FGD4: variants seen among roughly 807,000 people sequenced by gnomAD.
The protein encoded by FGD4 is FYVE, RhoGEF and PH domain containing 4, also known as FYVE, RhoGEF and PH domain-containing protein 4.
In FGD4, 42 loss-of-function variants were observed where a neutral mutation model predicts 102.0. The observed-to-expected ratio is 0.41, with a 90% CI of 0.32 to 0.53. The LOEUF is 0.53. Among genes scored for constraint, FGD4 ranks in the 20% least tolerant of loss-of-function variants. FGD4 has a pLI of 0.21. For missense variants in FGD4, 902 were observed against 1,078.2 expected (o/e 0.84, Z 2.29); for synonymous variants, 380 against 375.7 (o/e 1.01, Z -0.13).
chr12:32,525,151 T>A (rs1941009079), intron 1 of FGD4, among the ~76,000 whole-genome samples: 1 of 152,164 alleles, frequency 6.6e-6, no homozygotes, highest in Non-Finnish European at 1.5e-5. Flanking sequence ...CTAGTGTACC[T>A]TTGCTTTTCT....
At chr12:32,606,828 C>T (rs1165530310) in intron 7 of FGD4, among the ~76,000 whole-genome samples, 1 of 152,080 alleles carries the variant, frequency 6.6e-6, no homozygotes. Context: ...GCAAGTGATA[C>T]GGTCTTAATT....
rs138703113 is a variant in FGD4 at position 32,523,701 on chromosome 12, G to T, written c.167-40436G>T. Among the ~76,000 whole-genome samples the T allele has an allele frequency of 5.1e-3, 779 of 152,382 alleles. 4 individuals are homozygous for T. Among genetic ancestry groups the T allele is most frequent in the Middle Eastern group, 0.01 (3 of 294 alleles). ...GAAAATACATAGCTCTGGGCCGGGTGCGGTGGCTCACGCCTGCAATCCCAA... is the reference window on the plus strand; with the variant it reads ...GAAAATACATAGCTCTGGGCCGGGTTCGGTGGCTCACGCCTGCAATCCCAA... On this transcript the variant is annotated intron_variant, in intron 1 of 16. Transcript: ENST00000534526.
intron 1 of FGD4, among the ~76,000 whole-genome samples, chr12:32,518,236 A>G (rs1029174835): frequency 5.3e-5 from 8 of 152,170 alleles, no homozygotes; most frequent in African/African-American, 1.9e-4. Context: ...CAAAAGATGA[A>G]CACTTGGAGA....
chr12:32,596,386 G>A (rs183686296), intron 4 of FGD4, among the ~76,000 whole-genome samples: 1 of 152,172 alleles, frequency 6.6e-6, no homozygotes, highest in Non-Finnish European at 1.5e-5. Context: ...CCAGGGACAC[G>A]TTTGGATAAT....
intron 1 of FGD4, chr12:32,502,229 A>T (rs987662305): frequency 7.1e-6 from 7 of 985,436 alleles, no homozygotes; most frequent in Non-Finnish European, 8.4e-6. Context: ...TCTGCAATGG[A>T]CCGGGTTAAT....
chr12:32,416,922 A>T (rs1941439705), intron 1 of FGD4, among the ~76,000 whole-genome samples: 1 of 144,978 alleles, frequency 6.9e-6, no homozygotes, highest in Non-Finnish European at 1.5e-5. Context: ...TTTGAGATGG[A>T]GTCTTGCTCT....
intron 1 of FGD4, among the ~76,000 whole-genome samples, chr12:32,409,627 T>C (rs566679719): frequency 6.6e-6 from 1 of 152,272 alleles, no homozygotes; most frequent in Non-Finnish European, 1.5e-5. Flanking sequence ...ATGGATCATA[T>C]CTTTGCCATA....
rs1219999989 is a variant in FGD4 at position 32,598,486 on chromosome 12, C to T, written c.1012-11C>T. 1.3e-6 allele frequency: 2 copies of T among 1,593,892 alleles called. No homozygotes were observed. Among genetic ancestry groups the T allele is most frequent in the East Asian group, 2.2e-5 (1 of 44,726 alleles). On this transcript the variant is annotated splice_polypyrimidine_tract_variant and intron_variant, in intron 4 of 16. Coordinates refer to ENST00000534526, the MANE Select transcript of FGD4 (RefSeq NM_001370298.3). ...TCTTTCCTAATGTGTGAATATCTTT[C>T]CAATTTTTAGGAGACTAATGAGCAA...
At chr12:32,563,042 GC>G (rs1407383217) in intron 1 of FGD4, among the ~76,000 whole-genome samples, 12 of 150,236 alleles carry the variant, frequency 8.0e-5, no homozygotes, top group African/African-American at 1.7e-4. Context: ...CGGGCGGGGG[GC>G]TGACACCCCC....
rs576605616 is a variant in FGD4 at position 32,640,911 on chromosome 12, T to C, written c.*378T>C. ...AGGACCTGGAACAGTTTGAAAGATA[T>C]ACCTCCATGTTGCCAAAATAGATCC... On this transcript the variant is annotated 3_prime_UTR_variant, in exon 17 of 17. Transcript: ENST00000534526. 3 of 402,054 alleles carry C rather than the reference T, an allele frequency of 7.5e-6. No individual in the cohort carries two copies. The highest frequency in any genetic ancestry group is 4.1e-5 in the African/African-American group (2 of 49,212). The allele number at this position is 402,054 out of a possible 1,614,324, so 24.9% of individuals were successfully genotyped here.
At chr12:32,500,398 TTTTATTTTATTTTA>T (rs1938118182) in intron 1 of FGD4, among the ~76,000 whole-genome samples, 2 of 15,190 alleles carry the variant, frequency 1.3e-4, no homozygotes, top group African/African-American at 4.7e-4. Flanking sequence ...TTTATTTTTA[TTTTATTTTATTTTA>T]TTTTATTTTA....
chr12:32,433,619 G>C (rs1942126482), intron 1 of FGD4, among the ~76,000 whole-genome samples: 1 of 151,954 alleles, frequency 6.6e-6, no homozygotes, highest in Non-Finnish European at 1.5e-5. Context: ...TTATAAGCAT[G>C]AGCCACCGCA....
intron 3 of FGD4, among the ~76,000 whole-genome samples, chr12:32,580,720 T>C (rs1946536741): frequency 6.6e-6 from 1 of 152,000 alleles, no homozygotes; most frequent in African/African-American, 2.4e-5. Context: ...ACCCCGTCTC[T>C]ACTAAAAATA....
At chr12:32,567,581 T>G (rs1254180603) in intron 2 of FGD4, among the ~76,000 whole-genome samples, 1 of 152,134 alleles carries the variant, frequency 6.6e-6, no homozygotes, top group Non-Finnish European at 1.5e-5. Context: ...TAATATCAGT[T>G]GCTGCATTTG....
chr12:32,409,715 T>C (rs962970228), intron 1 of FGD4, among the ~76,000 whole-genome samples: 2 of 152,182 alleles, frequency 1.3e-5, no homozygotes, highest in Admixed American at 6.5e-5. Flanking sequence ...GCCTTAGTGA[T>C]TGATTGTTGG....
At chr12:32,527,777 TGAAAGA>T (rs1268279219) in intron 1 of FGD4, among the ~76,000 whole-genome samples, 1 of 152,048 alleles carries the variant, frequency 6.6e-6, no homozygotes, top group Non-Finnish European at 1.5e-5. Context: ...GAGGAAATGC[TGAAAGA>T]GAAAGTATTA....
At chr12:32,520,298 T>G (rs777238012) in intron 1 of FGD4, among the ~76,000 whole-genome samples, 1 of 152,190 alleles carries the variant, frequency 6.6e-6, no homozygotes, top group Non-Finnish European at 1.5e-5. Context: ...TTAAAGAGAT[T>G]TTAAATGTTT....
At chr12:32,484,894 A>T (rs1943851062) in intron 1 of FGD4, among the ~76,000 whole-genome samples, 2 of 152,118 alleles carry the variant, frequency 1.3e-5, no homozygotes, top group East Asian at 3.8e-4. Context: ...AAATAAAAAT[A>T]AAAAATCCCA....
At chr12:32,444,391 G>C (rs1942550940) in intron 1 of FGD4, among the ~76,000 whole-genome samples, 1 of 151,962 alleles carries the variant, frequency 6.6e-6, no homozygotes, top group Non-Finnish European at 1.5e-5. Context: ...TCTGAATTAA[G>C]CAATTTTTTT....
Sources: gnomAD v4.1 joint callset for allele counts (sites outside exome capture counted in the v4.1 genomes callset) on GRCh38, gnomAD v4.1.1 for gene constraint, MANE v1.5 for transcripts, NCBI Gene and HGNC (gene_info 2026-07-23, HGNC 2026-07-21) for gene names.